Variants in RBFOX1 observed in about 807,000 individuals in gnomAD.
The protein encoded by RBFOX1 is RNA binding fox-1 homolog 1.
A neutral mutation model predicts 57.7 loss-of-function variants in RBFOX1; 8 were observed. The ratio of observed to expected loss-of-function variants is 0.14; its 90% CI spans 0.08 to 0.25. The LOEUF (loss-of-function observed/expected upper bound fraction) is 0.25. Ranked by LOEUF, RBFOX1 falls within the 10% of genes least tolerant of loss-of-function variation. RBFOX1 has a pLI of 1.00. For synonymous variants in RBFOX1, 326 were observed against 222.4 expected, an observed-to-expected ratio of 1.47 and a Z score of -4.15; for missense variants, 611 against 548.5, an observed-to-expected ratio of 1.11 and a Z score of -1.14.
intron 4 of RBFOX1, among the ~76,000 whole-genome samples, chr16:7,218,209 A>T (rs926109311): frequency 1.3e-5 from 2 of 152,114 alleles, no homozygotes; most frequent in African/African-American, 4.8e-5. Flanking sequence ...TTTAAACCTT[A>T]TGTCTTATTT....
intron 2 of RBFOX1, among the ~76,000 whole-genome samples, chr16:6,329,495 A>G (rs1361768856): frequency 6.6e-6 from 1 of 152,206 alleles, no homozygotes; most frequent in Non-Finnish European, 1.5e-5. Flanking sequence ...GAACTCTGAG[A>G]CAAAAGTTCC....
chr16:7,583,148 CT>C (rs34658435), intron 6 of RBFOX1, among the ~76,000 whole-genome samples: 100,436 of 132,306 alleles, frequency 0.76, 38,090 homozygotes, highest in Middle Eastern at 0.88. Context: ...TCTAGCTCAT[CT>C]TTTTTTTTTT....
intron 2 of RBFOX1, among the ~76,000 whole-genome samples, chr16:6,395,239 C>T (rs1454355068): frequency 6.6e-6 from 1 of 152,108 alleles, no homozygotes; most frequent in South Asian, 2.1e-4. Flanking sequence ...AAAGTTCTGA[C>T]CATTAAACGA....
chr16:6,593,823 G>A (rs142090440), intron 2 of RBFOX1, among the ~76,000 whole-genome samples: 28 of 152,270 alleles, frequency 1.8e-4, no homozygotes, highest in South Asian at 1.5e-3. Context: ...TGAGGACTAC[G>A]GATATGGCAA....
chr16:7,231,764 C>G (rs772976722), intron 4 of RBFOX1, among the ~76,000 whole-genome samples: 1 of 152,078 alleles, frequency 6.6e-6, no homozygotes, highest in Non-Finnish European at 1.5e-5. Context: ...GTGGATGGAC[C>G]TCAAAAACAC....
chr16:6,882,420 C>G (rs1320526838), intron 3 of RBFOX1, among the ~76,000 whole-genome samples: 1 of 152,000 alleles, frequency 6.6e-6, no homozygotes, highest in Non-Finnish European at 1.5e-5. Flanking sequence ...CATGATGAAA[C>G]CCCATCTTCA....
At chr16:7,497,402 C>A (rs757911594) in intron 4 of RBFOX1, among the ~76,000 whole-genome samples, 2 of 152,144 alleles carry the variant, frequency 1.3e-5, no homozygotes, top group Non-Finnish European at 2.9e-5. Context: ...CTTTAAGAAG[C>A]ATTTGATACC....
intron 3 of RBFOX1, among the ~76,000 whole-genome samples, chr16:6,777,129 T>C (rs1281876975): frequency 6.6e-6 from 1 of 152,104 alleles, no homozygotes; most frequent in Non-Finnish European, 1.5e-5. Flanking sequence ...TTAGTGGTCT[T>C]GTATGCGATG....
intron 3 of RBFOX1, among the ~76,000 whole-genome samples, chr16:5,865,762 A>G (rs1267680046): frequency 6.6e-6 from 1 of 152,210 alleles, no homozygotes; most frequent in East Asian, 1.9e-4. Flanking sequence ...ACCAACAGGA[A>G]TATATTTCTC....
chr16:5,316,999 C>G (rs1596497651), intron 1 of RBFOX1, among the ~76,000 whole-genome samples: 1 of 152,106 alleles, frequency 6.6e-6, no homozygotes, highest in Non-Finnish European at 1.5e-5. Context: ...TTTTCCTGCC[C>G]TTGGATTTCA....
chr16:7,281,459 A>T (rs1399099383), intron 4 of RBFOX1, among the ~76,000 whole-genome samples: 1 of 152,108 alleles, frequency 6.6e-6, no homozygotes. Context: ...TAAAACACAG[A>T]TAGTTCTAAC....
At chr16:5,595,525 C>G (rs1052094741) in intron 2 of RBFOX1, among the ~76,000 whole-genome samples, 16 of 152,164 alleles carry the variant, frequency 1.1e-4, no homozygotes, top group African/African-American at 3.9e-4. Flanking sequence ...GTTCGGGACC[C>G]TGGTTTGGGA....
chr16:5,454,755 T>TTTCTTTCCTTTTCTTTTCTTTTC (rs1270997531), intron 1 of RBFOX1, among the ~76,000 whole-genome samples: 1 of 62,880 alleles, frequency 1.6e-5, no homozygotes, highest in Non-Finnish European at 3.4e-5. Context: ...TTTTCTTTTC[T>TTTCTTTCCTTTTCTTTTCTTTTC]TTTCTTTCTT....
intron 3 of RBFOX1, among the ~76,000 whole-genome samples, chr16:6,755,979 C>G (rs2075723951): frequency 6.6e-6 from 1 of 152,116 alleles, no homozygotes; most frequent in Non-Finnish European, 1.5e-5. Flanking sequence ...AAATTGCTAG[C>G]TGAGGTCAAT....
chr16:6,974,775 C>G (rs928857560), intron 3 of RBFOX1, among the ~76,000 whole-genome samples: 2 of 152,122 alleles, frequency 1.3e-5, no homozygotes, highest in African/African-American at 2.4e-5. Context: ...AGAAAACCCC[C>G]TGTGTTTGCA....
intron 3 of RBFOX1, among the ~76,000 whole-genome samples, chr16:6,828,114 A>G (rs891957340): frequency 6.6e-6 from 1 of 152,198 alleles, no homozygotes; most frequent in Non-Finnish European, 1.5e-5. Flanking sequence ...TACAGGTGGC[A>G]TGGGACAGCA....
chr16:7,302,849 A>G (rs1401313047), intron 4 of RBFOX1, among the ~76,000 whole-genome samples: 4 of 152,012 alleles, frequency 2.6e-5, no homozygotes, highest in Non-Finnish European at 5.9e-5. Flanking sequence ...AATGAAATCT[A>G]CTAATGAATA....
intron 2 of RBFOX1, among the ~76,000 whole-genome samples, chr16:6,361,184 G>T (rs1048791030): frequency 1.3e-5 from 2 of 152,058 alleles, no homozygotes; most frequent in African/African-American, 2.4e-5. Context: ...ACTGAAACAG[G>T]CTCAAAAGGA....
rs945534763 is a variant in RBFOX1, at chr16:5,806,391, A to G, written c.319-60912A>G. ...AAAAAGGGTAACAGGGACAAATGCT[A>G]TGTACTCACATGATGGAAATGGAGA... On this transcript the variant is annotated intron_variant, in intron 3 of 19. Transcript: ENST00000641259. Among the ~76,000 whole-genome samples the G allele has an allele frequency of 2.0e-5, 3 of 152,192 alleles. No individual in the cohort carries two copies. In the East Asian group the frequency reaches 5.8e-4, roughly 29 times the overall value.
Sources: gnomAD v4.1 joint callset for allele counts (sites outside exome capture counted in the v4.1 genomes callset) on GRCh38, gnomAD v4.1.1 for gene constraint, MANE v1.5 for transcripts, NCBI Gene and HGNC (gene_info 2026-07-23, HGNC 2026-07-21) for gene names.